Variants in PRR12 observed in about 807,000 individuals in gnomAD.
PRR12 encodes proline-rich protein 12.
In PRR12, 12 loss-of-function variants were observed where a neutral mutation model predicts 138.0. That is an observed-to-expected ratio of 0.09 (90% CI 0.06 to 0.14). The LOEUF (loss-of-function observed/expected upper bound fraction) is 0.14, where lower values mean the gene tolerates loss of function less well. PRR12 is among the 10% of genes least tolerant of loss of function. The pLI, the probability that PRR12 is intolerant of heterozygous loss-of-function variation, is 1.00. For synonymous variants in PRR12, 1,567 were observed against 1,291.7 expected (o/e 1.21, Z -4.57); for missense variants, 2,692 against 2,861.3 (o/e 0.94, Z 1.35).
chr19:49,601,841 G>T lies in PRR12; in HGVS notation c.4696G>T (p.Gly1566Cys). The part of the protein sequence containing the change: ...AVCGETDEEA[G>C]ESGGEGIFRE... ...GTGTGGGGAGACGGACGAGGAGGCC[G>T]GCGAGAGTGGCGGAGAGGGCATCTT... Residue 1566 changes from glycine to cysteine, a missense_variant, in exon 6 of 14, where the codon GGC becomes TGC. By Grantham distance (159) the Gly-to-Cys change is radical. Transcript: ENST00000418929. 1 of 1,612,828 alleles carries T rather than the reference G, an allele frequency of 6.2e-7. No individual in the cohort carries two copies. Among genetic ancestry groups the T allele is most frequent in the Non-Finnish European group, 8.5e-7 (1 of 1,179,884 alleles).
At chr19:49,592,172 A>AT (rs2080732627) in intron 1 of PRR12, among the ~76,000 whole-genome samples, 1 of 151,728 alleles carries the variant, frequency 6.6e-6, no homozygotes, top group Non-Finnish European at 1.5e-5. Context: ...CTCAGGTCCT[A>AT]TTGTTCCGGG....
In PRR12 at chr19:49,594,668, C is replaced by G. The variant is rs760968077; in HGVS notation, c.362-29C>G. On this transcript the variant is annotated intron_variant, in intron 3 of 13. Transcript: ENST00000418929. The surrounding 1 kb of genome is among the most constrained non-coding windows in gnomAD (Gnocchi z 5.6). ...CAGGGTGGGACTGGCTCGCTGTTCT[C>G]TCTGACGCGCGGTCTTCCTCATCTC... 1 of 1,610,818 alleles carries G rather than the reference C, an allele frequency of 6.2e-7. No individual in the cohort carries two copies. Among genetic ancestry groups the G allele is most frequent in the Non-Finnish European group, 8.5e-7 (1 of 1,179,538 alleles).
chr19:49,610,540 G>T (rs866009219), intron 6 of PRR12, among the ~76,000 whole-genome samples: 53 of 100,606 alleles, frequency 5.3e-4, no homozygotes, highest in South Asian at 1.4e-3. Flanking sequence ...GTAAAACCCT[G>T]TTCCTATTTT....
chr19:49,619,351 T>C (rs1473653213), intron 9 of PRR12, among the ~76,000 whole-genome samples: 1 of 147,952 alleles, frequency 6.8e-6, no homozygotes, highest in African/African-American at 2.5e-5. Context: ...TTCTCCTGCC[T>C]CAGCCTCCCG....
At chr19:49,606,328 T>TC (rs1428116262) in intron 6 of PRR12, among the ~76,000 whole-genome samples, 1 of 151,482 alleles carries the variant, frequency 6.6e-6, no homozygotes, top group African/African-American at 2.4e-5. Flanking sequence ...TTTTTTTTTT[T>TC]TGAGACAGAG....
intron 11 of PRR12, 36 bp from the exon 12 acceptor site, chr19:49,624,808 A>G (rs1568433497): frequency 6.2e-7 from 1 of 1,600,778 alleles, no homozygotes; most frequent in Admixed American, 1.7e-5. Context: ...TTATGGATCC[A>G]GGGCAGCATC....
chr19:49,618,037 G>A (rs1363161172), intron 9 of PRR12, among the ~76,000 whole-genome samples: 1 of 152,186 alleles, frequency 6.6e-6, no homozygotes, highest in Non-Finnish European at 1.5e-5. Flanking sequence ...GGCAGAGGTT[G>A]CAGTGAGCTG....
In PRR12 at chr19:49,615,961, G is replaced by A. The variant is rs756935255; in HGVS notation, c.5239G>A (p.Val1747Met). 6.4e-7 allele frequency: 1 copy of A among 1,553,070 alleles called. No individual in the cohort carries two copies. Among genetic ancestry groups the A allele is most frequent in the South Asian group, 1.2e-5 (1 of 84,226 alleles). Residue 1747 changes from valine (V) to methionine (M), a missense_variant, in exon 9 of 14, where the codon GTG becomes ATG. Physicochemically the swap from Val to Met is conservative, Grantham distance 21. Coordinates refer to ENST00000418929, the MANE Select transcript of PRR12 (RefSeq NM_020719.3). ...TGAGAAGGAAAAGGAGAAGGAGAAG[G>A]TGACACGTGGAGAGCGGCCATTGCG... is the stretch of plus-strand genomic sequence containing the variant. ...PVEKEKEKEK[V>M]TRGERPLRGE...
At chr19:49,619,931 C>G (rs1350335735) in intron 9 of PRR12, among the ~76,000 whole-genome samples, 1 of 145,136 alleles carries the variant, frequency 6.9e-6, no homozygotes, top group Non-Finnish European at 1.5e-5. Context: ...TCTTGGCTCA[C>G]TGCAACCTCC....
intron 6 of PRR12, among the ~76,000 whole-genome samples, chr19:49,604,928 T>C (rs1232563793): frequency 1.4e-4 from 21 of 152,060 alleles, no homozygotes; most frequent in African/African-American, 4.8e-4. Context: ...CTCAGCTCAC[T>C]GCAACTTCTA....
In PRR12 at chr19:49,615,830, C is replaced by G. The variant is rs1367528479; in HGVS notation, c.5108C>G (p.Pro1703Arg). 1 of 1,611,780 alleles carries G rather than the reference C, an allele frequency of 6.2e-7. No homozygotes were observed. The highest frequency in any genetic ancestry group is 8.5e-7 in the Non-Finnish European group (1 of 1,179,060). The change falls in exon 9 of 14, where the codon CCT (proline) becomes CGT (arginine). Residue 1703 changes from proline to arginine, a missense_variant. By Grantham distance (103) the Pro-to-Arg change is moderately radical. This residue lies in a region of PRR12 where 259 missense variants were observed against 265.1 expected (regional missense o/e 0.98). Coordinates refer to ENST00000418929, the MANE Select transcript of PRR12 (RefSeq NM_020719.3). ...PPKAPAPPPK[P>R]ETPEKTTSEK... ...AAGGCCCCAGCACCACCTCCCAAGCCTGAGACCCCTGAAAAGACGACATCT... is the reference window on the plus strand; with the variant it reads ...AAGGCCCCAGCACCACCTCCCAAGCGTGAGACCCCTGAAAAGACGACATCT...
intron 9 of PRR12, among the ~76,000 whole-genome samples, chr19:49,619,078 C>T (rs1312633680): frequency 6.6e-6 from 1 of 152,006 alleles, no homozygotes; most frequent in Non-Finnish European, 1.5e-5. Flanking sequence ...CCTTTATGAT[C>T]TGACCTCCCT....
intron 6 of PRR12, among the ~76,000 whole-genome samples, chr19:49,609,310 G>T (rs28688362): frequency 1.8e-4 from 27 of 152,000 alleles, no homozygotes; most frequent in Non-Finnish European, 3.5e-4. Flanking sequence ...TCTCAAAAAA[G>T]AAAAAGTTGT....
chr19:49,596,703 C>T lies in PRR12; in HGVS notation c.2368C>T (p.Leu790Phe). The change falls in exon 4 of 14, where the codon CTC becomes TTC. Residue 790 changes from leucine to phenylalanine, a missense_variant. This residue lies in a region of PRR12 where 840 missense variants were observed against 689.8 expected (regional missense o/e 1.22). Coordinates refer to ENST00000418929, the MANE Select transcript of PRR12 (RefSeq NM_020719.3). This position sits in a 1 kb window ranked among gnomAD's most constrained non-coding sequence, Gnocchi z 5.6. ...GLLLEAGGPD[L>F]PLVLPPPPPQ... The stretch of plus-strand genomic sequence containing the variant: ...CCTTCTGGAGGCCGGGGGCCCTGAC[C>T]TCCCACTGGTGCTGCCTCCGCCTCC... 1.2e-6 allele frequency: 2 copies of T among 1,606,660 alleles called. No individual in the cohort carries two copies. The highest frequency in any genetic ancestry group is 1.1e-5 in the South Asian group (1 of 90,882).
chr19:49,596,574 G>T lies in PRR12; in HGVS notation c.2239G>T (p.Val747Phe). ...ETPEGLATSV[V>F]HYGAGAKELG... is the part of the protein sequence containing the mutation. ...CCCCGAGGGGCTGGCCACCTCTGTT[G>T]TCCACTACGGGGCAGGCGCCAAGGA... The change falls in exon 4 of 14, where the codon GTC (valine) becomes TTC (phenylalanine). Residue 747 changes from valine to phenylalanine, a missense_variant. Val to Phe is a conservative substitution (Grantham distance 50, BLOSUM62 -1). This residue lies in a region of PRR12 where 840 missense variants were observed against 689.8 expected (regional missense o/e 1.22). Coordinates refer to ENST00000418929, the MANE Select transcript of PRR12 (RefSeq NM_020719.3). This position sits in a 1 kb window ranked among gnomAD's most constrained non-coding sequence, Gnocchi z 5.6. 1 of 1,600,436 alleles carries T rather than the reference G, an allele frequency of 6.2e-7. No homozygotes were observed. Among genetic ancestry groups the T allele is most frequent in the Non-Finnish European group, 8.5e-7 (1 of 1,174,256 alleles).
At chr19:49,601,954 G>C in intron 6 of PRR12, 36 bp downstream of exon 6, 3 of 1,595,002 alleles carry the variant, frequency 1.9e-6, no homozygotes, top group Non-Finnish European at 1.7e-6. Flanking sequence ...TGGGCCTGAT[G>C]GGTTTGGTCA....
intron 6 of PRR12, 44 bp downstream of exon 6, chr19:49,601,962 T>A: frequency 6.3e-7 from 1 of 1,588,438 alleles, no homozygotes; most frequent in Non-Finnish European, 8.6e-7. Flanking sequence ...ATGGGTTTGG[T>A]CACCTGTTTG....
At chr19:49,598,677 C>T (rs2080792032) in intron 4 of PRR12, among the ~76,000 whole-genome samples, 1 of 152,048 alleles carries the variant, frequency 6.6e-6, no homozygotes, top group African/African-American at 2.4e-5. Flanking sequence ...AAAAATTTAG[C>T]CAGGTGTGGC....
intron 6 of PRR12, among the ~76,000 whole-genome samples, chr19:49,603,734 T>A (rs191573956): frequency 6.6e-6 from 1 of 152,108 alleles, no homozygotes; most frequent in Non-Finnish European, 1.5e-5. Context: ...GTCCTGGATG[T>A]TGTTTTAATT....
Sources: gnomAD v4.1 joint callset for allele counts (sites outside exome capture counted in the v4.1 genomes callset) on GRCh38, gnomAD v4.1.1 for gene constraint, gnomAD v4.1.1 regional missense constraint, Gnocchi (gnomAD v3.1) non-coding constraint, MANE v1.5 for transcripts, NCBI Gene and HGNC (gene_info 2026-07-23, HGNC 2026-07-21) for gene names.